ACSL3: variants seen among roughly 807,000 people sequenced by gnomAD.
ACSL3 encodes the protein acyl-CoA synthetase long chain family member 3, also known as fatty acid CoA ligase Acsl3.
A neutral mutation model predicts 84.7 loss-of-function variants in ACSL3; 34 were observed. That is an observed-to-expected ratio of 0.40 (90% CI 0.31 to 0.53). ACSL3 has a LOEUF of 0.53. Ranked by LOEUF, ACSL3 falls within the 20% of genes least tolerant of loss-of-function variation. The probability of loss-of-function intolerance (pLI) is 0.48; values close to 1 mark genes in which losing one functional copy is unlikely to be tolerated. For synonymous variants in ACSL3, 315 were observed against 299.4 expected, an observed-to-expected ratio of 1.05 and a Z score of -0.54; for missense variants, 680 against 873.1, an observed-to-expected ratio of 0.78 and a Z score of 2.79.
Position 222,928,873 on chromosome 2 carries a change from A to G in ACSL3, c.1477A>G (p.Asn493Asp), listed in dbSNP as rs749217206. The G allele has an allele frequency of 6.2e-6, 10 of 1,613,558 alleles. No individual in the cohort carries two copies. The highest frequency in any genetic ancestry group is 7.6e-6 in the Non-Finnish European group (9 of 1,179,728). Residue 493 changes from asparagine to aspartate, a missense_variant, in exon 13 of 17, where the codon AAT (asparagine) becomes GAT (aspartate). Around this residue, in one of 2 missense-constraint regions of ACSL3, gnomAD observed 347 missense variants for 525.7 expected, o/e 0.66. Coordinates refer to ENST00000357430, the MANE Select transcript of ACSL3 (RefSeq NM_004457.5). ...AGTISEVWDY[N>D]TGRVGAPLVC... ...CATTTAATTCCTAGTGTGGGACTAC[A>G]ATACTGGCAGAGTGGGAGCACCATT...
Position 222,934,562 on chromosome 2 carries a change from C to T in ACSL3, c.1880C>T (p.Pro627Leu). The change falls in exon 16 of 17, where the codon CCA (proline) becomes CTA (leucine). Residue 627 changes from proline (P) to leucine (L), a missense_variant. Physicochemically the swap from Pro to Leu is moderately conservative, Grantham distance 98. Coordinates refer to ENST00000357430, the MANE Select transcript of ACSL3 (RefSeq NM_004457.5). ...YHSYVIGFVV[P>L]NQKELTELAR... is the part of the protein sequence containing the mutation. ...TCTTATGTCATTGGATTTGTTGTGC[C>T]AAATCAAAAGGAACTAACTGAACTA... is the stretch of plus-strand genomic sequence containing the variant. The T allele has an allele frequency of 6.3e-7, 1 of 1,582,828 alleles. No individual in the cohort carries two copies. The highest frequency in any genetic ancestry group is 8.6e-7 in the Non-Finnish European group (1 of 1,164,182).
chr2:222,926,835 C>A (rs938489053), intron 11 of ACSL3, among the ~76,000 whole-genome samples, 182 bp from the exon 12 acceptor site: 4 of 152,040 alleles, frequency 2.6e-5, no homozygotes, highest in Admixed American at 2.6e-4. Context: ...AAATTCTTTA[C>A]CTTGTTGAAC....
At chr2:222,898,732 C>T (rs1487845438) in intron 2 of ACSL3, among the ~76,000 whole-genome samples, 2 of 152,144 alleles carry the variant, frequency 1.3e-5, no homozygotes, top group Non-Finnish European at 2.9e-5. Flanking sequence ...GAGGCTGAGG[C>T]AGGAGAATGG....
chr2:222,919,322 T>C, intron 7 of ACSL3, 120 bp downstream of exon 7: 1 of 1,207,760 alleles, frequency 8.3e-7, no homozygotes, highest in Non-Finnish European at 1.1e-6. Context: ...TAACATCAGT[T>C]AGGAAAACAG....
chr2:222,912,428 C>A (rs1696468595), intron 4 of ACSL3, among the ~76,000 whole-genome samples: 1 of 152,216 alleles, frequency 6.6e-6, no homozygotes, highest in Non-Finnish European at 1.5e-5. Context: ...TGTGTACTTT[C>A]TGCTATTAGT....
At chr2:222,875,856 G>A (rs1216594212) in intron 1 of ACSL3, among the ~76,000 whole-genome samples, 1 of 151,724 alleles carries the variant, frequency 6.6e-6, no homozygotes, top group Non-Finnish European at 1.5e-5. Flanking sequence ...GTTTCTTTTT[G>A]TTTTTCCCTG....
intron 3 of ACSL3, among the ~76,000 whole-genome samples, chr2:222,906,457 T>G (rs1696296582): frequency 6.6e-6 from 1 of 152,214 alleles, no homozygotes; most frequent in Non-Finnish European, 1.5e-5. Context: ...TCCAGTTAAA[T>G]TAAGATGCCC....
At chr2:222,872,048 T>C (rs1225553372) in intron 1 of ACSL3, among the ~76,000 whole-genome samples, 1 of 152,098 alleles carries the variant, frequency 6.6e-6, no homozygotes, top group Non-Finnish European at 1.5e-5. Context: ...GGGCAAATGC[T>C]CAACAGGGAA....
At chr2:222,876,398 T>C (rs569857435) in intron 1 of ACSL3, among the ~76,000 whole-genome samples, 7 of 152,164 alleles carry the variant, frequency 4.6e-5, no homozygotes, top group Admixed American at 6.5e-5. Flanking sequence ...CATGGCTCAC[T>C]GCAGCCTCAA....
intron 1 of ACSL3, among the ~76,000 whole-genome samples, chr2:222,881,254 A>G (rs949256004): frequency 3.3e-5 from 5 of 152,204 alleles, no homozygotes; most frequent in African/African-American, 1.2e-4. Context: ...TGTATTTTAC[A>G]CTTAGATCAC....
chr2:222,910,914 G>A (rs1383875535), intron 4 of ACSL3, among the ~76,000 whole-genome samples: 2 of 152,070 alleles, frequency 1.3e-5, no homozygotes, highest in South Asian at 2.1e-4. Context: ...GAAGTTAATA[G>A]CACATTTCTA....
At chr2:222,919,816 A>G (rs1471948075) in intron 7 of ACSL3, among the ~76,000 whole-genome samples, 1 of 152,222 alleles carries the variant, frequency 6.6e-6, no homozygotes, top group Non-Finnish European at 1.5e-5. Flanking sequence ...AATTTTAGGC[A>G]CCTGGAATTT....
chr2:222,892,457 C>T (rs1274120818), intron 2 of ACSL3, among the ~76,000 whole-genome samples: 1 of 149,130 alleles, frequency 6.7e-6, no homozygotes, highest in South Asian at 2.1e-4. Context: ...AAATAATAGT[C>T]TCTGGTTGCA....
Position 222,897,514 on chromosome 2 carries a change from A to G in ACSL3, c.-147-3160A>G, listed in dbSNP as rs1324461726. On this transcript the variant is annotated intron_variant, in intron 2 of 16. Transcript: ENST00000357430. ...CAGGCAGAGACGCTCCTCACTTCCC[A>G]GACGGGGTGGCGGCCGGGCAGAGGC... Among the ~76,000 whole-genome samples the G allele has an allele frequency of 1.4e-4, 3 of 20,874 alleles. 1 individual carries two copies. Among genetic ancestry groups the G allele is most frequent in the Non-Finnish European group, 2.1e-4 (3 of 14,146 alleles). The allele number at this position is 20,874 out of a possible 152,430, so 13.7% of individuals were successfully genotyped here.
chr2:222,930,897 A>G (rs1697013179), intron 14 of ACSL3, 85 bp downstream of exon 14: 1 of 1,204,822 alleles, frequency 8.3e-7, no homozygotes, highest in Non-Finnish European at 1.2e-6. Flanking sequence ...GAGGCGCTGA[A>G]TAATATAAAT....
At position 222,934,610 on chromosome 2, in the gene ACSL3, G is replaced by A; in HGVS notation, c.1928G>A (p.Gly643Glu). 6.2e-7 allele frequency: 1 copy of A among 1,607,606 alleles called. No individual in the cohort carries two copies. The highest frequency in any genetic ancestry group is 8.5e-7 in the Non-Finnish European group (1 of 1,177,710). The change falls in exon 16 of 17, where the codon GGG becomes GAG. Residue 643 changes from glycine to glutamate, a missense_variant. Physicochemically the swap from Gly to Glu is moderately conservative, Grantham distance 98. Transcript: ENST00000357430. ...CTAGCTCGAAAGAAAGGACTTAAAG[G>A]GACTTGGGAGGAGCTGTGTAACAGT... ...TELARKKGLKGTWEELCNSCE... is the reference protein window; with the variant it reads ...TELARKKGLKETWEELCNSCE...
At position 222,889,882 on chromosome 2, in the gene ACSL3, G is replaced by T. The variant is rs182487566; in HGVS notation, c.-148+1994G>T. On this transcript the variant is annotated intron_variant, in intron 2 of 16. Transcript: ENST00000357430. The stretch of plus-strand genomic sequence containing the variant: ...ATGGAGGTGAGAGGGAAGACAACTG[G>T]TGATCTTAGTTGCTTTGATTTTGAA... Among the ~76,000 whole-genome samples the T allele has an allele frequency of 2.5e-4, 38 of 152,294 alleles. No individual in the cohort carries two copies. The East Asian group carries it at 6.6e-3, about 26-fold the overall frequency.
intron 1 of ACSL3, among the ~76,000 whole-genome samples, chr2:222,876,772 C>T (rs554020206): frequency 6.6e-6 from 1 of 152,084 alleles, no homozygotes; most frequent in Admixed American, 6.5e-5. Flanking sequence ...AAAGTCCTTG[C>T]TTCAAGAAGC....
At position 222,942,560 on chromosome 2, in the gene ACSL3, T is replaced by G. The variant is rs970946756; in HGVS notation, c.*906T>G. On this transcript the variant is annotated 3_prime_UTR_variant, in exon 17 of 17. Coordinates refer to ENST00000357430, the MANE Select transcript of ACSL3 (RefSeq NM_004457.5). ...TTTCGTTGACTATATGTACATTGAG[T>G]TATCTATATTTGTAAACAAATTAGT... 6 of 195,690 alleles carry G rather than the reference T, an allele frequency of 3.1e-5. No individual in the cohort carries two copies. Among genetic ancestry groups the G allele is most frequent in the African/African-American group, 1.2e-4 (5 of 43,282 alleles). 12.1% of individuals were successfully genotyped at this position (195,690 alleles called of 1,614,324 possible).
Sources: gnomAD v4.1 joint callset for allele counts (sites outside exome capture counted in the v4.1 genomes callset) on GRCh38, gnomAD v4.1.1 for gene constraint, gnomAD v4.1.1 regional missense constraint, MANE v1.5 for transcripts, NCBI Gene and HGNC (gene_info 2026-07-23, HGNC 2026-07-21) for gene names.